Variants in HSPA12A observed in about 807,000 individuals in gnomAD.
HSPA12A encodes heat shock protein family A (Hsp70) member 12A, also known as heat shock 70 kDa protein 12A.
In HSPA12A, 28 loss-of-function variants were observed where a neutral mutation model predicts 69.2. That is an observed-to-expected ratio of 0.40 (90% confidence interval 0.30 to 0.55). The LOEUF (loss-of-function observed/expected upper bound fraction) is 0.55. HSPA12A is among the 20% of genes least tolerant of loss of function. The probability of loss-of-function intolerance (pLI) is 0.38; values close to 1 mark genes in which losing one functional copy is unlikely to be tolerated. For missense variants in HSPA12A, 686 were observed against 900.7 expected (o/e 0.76, Z 3.05); for synonymous variants, 345 against 370.5 (o/e 0.93, Z 0.79).
At chr10:116,848,339 G>T (rs1295212934) in intron 1 of HSPA12A, among the ~76,000 whole-genome samples, 1 of 152,240 alleles carries the variant, frequency 6.6e-6, no homozygotes, top group African/African-American at 2.4e-5. Flanking sequence ...CTGGGTTTGT[G>T]TAACAGTACT....
chr10:116,797,037 A>G (rs1358191226), intron 2 of HSPA12A, among the ~76,000 whole-genome samples: 1 of 152,148 alleles, frequency 6.6e-6, no homozygotes, highest in Non-Finnish European at 1.5e-5. Flanking sequence ...GAAATCCCAC[A>G]GAAGTGAACC....
At chr10:116,717,943 A>T (rs1850658457) in intron 1 of HSPA12A, among the ~76,000 whole-genome samples, 1 of 152,132 alleles carries the variant, frequency 6.6e-6, no homozygotes. Flanking sequence ...TTGCCCCCCA[A>T]GCTGTCTGCT....
At chr10:116,774,739 T>C (rs1292380999) in intron 2 of HSPA12A, among the ~76,000 whole-genome samples, 2 of 152,140 alleles carry the variant, frequency 1.3e-5, no homozygotes, top group Non-Finnish European at 2.9e-5. Context: ...AGGTCCACCA[T>C]TGAATAAGCT....
chr10:116,849,478 G>A, intron 1 of HSPA12A: 1 of 1,419,468 alleles, frequency 7.0e-7, no homozygotes, highest in South Asian at 1.6e-5. Context: ...CGAGATCTGG[G>A]GGTCGGGATC....
intron 2 of HSPA12A, among the ~76,000 whole-genome samples, chr10:116,795,528 A>AT (rs1428731418): frequency 6.6e-6 from 1 of 150,546 alleles, no homozygotes; most frequent in Admixed American, 6.6e-5. Context: ...AAAAAAAAAA[A>AT]TACAAAAATT....
At chr10:116,724,899 C>T (rs1342072595) in intron 1 of HSPA12A, among the ~76,000 whole-genome samples, 1 of 152,154 alleles carries the variant, frequency 6.6e-6, no homozygotes, top group Non-Finnish European at 1.5e-5. Context: ...TCCCAGTGAC[C>T]ACCTGGCCCC....
chr10:116,707,956 G>A (rs73377085), intron 1 of HSPA12A: 2,407 of 153,598 alleles, frequency 0.016, 53 homozygotes, highest in African/African-American at 0.055. Context: ...CCTGCAGATG[G>A]GACCCAACAG....
chr10:116,697,560 T>C (rs1849947818), intron 5 of HSPA12A, among the ~76,000 whole-genome samples: 1 of 152,162 alleles, frequency 6.6e-6, no homozygotes, highest in South Asian at 2.1e-4. Flanking sequence ...TTCTATCAAA[T>C]GGCCTATGAG....
At chr10:116,784,159 C>T (rs1242345180) in intron 2 of HSPA12A, among the ~76,000 whole-genome samples, 2 of 152,260 alleles carry the variant, frequency 1.3e-5, no homozygotes, top group Non-Finnish European at 2.9e-5. Flanking sequence ...ATGTGCTTGC[C>T]AATCCCATTT....
intron 1 of HSPA12A, among the ~76,000 whole-genome samples, chr10:116,715,877 G>T (rs950608075): frequency 5.3e-5 from 8 of 152,190 alleles, no homozygotes; most frequent in African/African-American, 1.9e-4. Flanking sequence ...TTTGGACCTG[G>T]GTCTCAGGGT....
In HSPA12A at chr10:116,707,151, GCGCACACACA is replaced by G. The variant is rs782215356; in HGVS notation, c.126+39_126+48del. The stretch of plus-strand genomic sequence containing the variant: ...CACGTGTGCTCATGCGCACCCATGC[GCGCACACACA>G]CACACACACACACACACACACACAC... On this transcript the variant is annotated intron_variant, in intron 2 of 11. Coordinates refer to ENST00000369209, the MANE Select transcript of HSPA12A (RefSeq NM_025015.3). 5.4e-3 allele frequency: 5,507 copies of G among 1,015,792 alleles called. 71 individuals carry two copies. The highest frequency in any genetic ancestry group is 5.6e-3 in the Non-Finnish European group (4,258 of 756,250). 62.9% of individuals were successfully genotyped at this position (1,015,792 alleles called of 1,614,324 possible). A position where few individuals can be genotyped will look rare whatever the true frequency, so the allele number is the denominator to read the frequency against.
intron 1 of HSPA12A, among the ~76,000 whole-genome samples, chr10:116,741,566 G>A (rs115315828): frequency 3.9e-5 from 6 of 152,332 alleles, no homozygotes; most frequent in Admixed American, 1.3e-4. Flanking sequence ...CCCACAGGAA[G>A]ACTGGAATCC....
intron 2 of HSPA12A, among the ~76,000 whole-genome samples, chr10:116,803,974 C>G (rs954745153): frequency 5.3e-5 from 8 of 152,120 alleles, no homozygotes; most frequent in Non-Finnish European, 1.2e-4. Context: ...ATTCAAACTC[C>G]TAAGTACACG....
chr10:116,673,217 A>T lies in HSPA12A; in HGVS notation c.*1564T>A, dbSNP rs1234877508. 1 of 151,752 alleles carries T rather than the reference A, an allele frequency of 6.6e-6. No homozygotes were observed. The highest frequency in any genetic ancestry group is 1.9e-4 in the East Asian group (1 of 5,142). The allele number at this position is 151,752 out of a possible 1,614,324, so 9.4% of individuals were successfully genotyped here. A position where few individuals can be genotyped will look rare whatever the true frequency, so the allele number is the denominator to read the frequency against. Reference sequence around the variant, plus strand: ...ATGTTGCAGAAAACTGGTTTTGTACACTGGGGAAGGAGAGAGTGAAGACCC... The same window carrying T: ...ATGTTGCAGAAAACTGGTTTTGTACTCTGGGGAAGGAGAGAGTGAAGACCC... On this transcript the variant is annotated 3_prime_UTR_variant, in exon 12 of 12. Coordinates refer to ENST00000369209, the MANE Select transcript of HSPA12A (RefSeq NM_025015.3).
intron 2 of HSPA12A, among the ~76,000 whole-genome samples, chr10:116,825,044 C>T (rs992713431): frequency 4.2e-5 from 6 of 143,990 alleles, no homozygotes; most frequent in African/African-American, 1.5e-4. Context: ...AAAAATTAAC[C>T]GGGTGTGGTG....
chr10:116,830,360 CT>C (rs1343521161), intron 2 of HSPA12A: 1 of 152,200 alleles, frequency 6.6e-6, no homozygotes, highest in Non-Finnish European at 1.5e-5. Flanking sequence ...CTTTCTCCGC[CT>C]GCCTCTCTTG....
chr10:116,799,784 G>C (rs1484666903), intron 2 of HSPA12A, among the ~76,000 whole-genome samples: 2 of 152,198 alleles, frequency 1.3e-5, no homozygotes, highest in Non-Finnish European at 2.9e-5. Context: ...TTCACACCAG[G>C]TAGGTGCTCA....
intron 4 of HSPA12A, among the ~76,000 whole-genome samples, chr10:116,700,387 T>G (rs1554881456): frequency 6.6e-6 from 1 of 152,204 alleles, no homozygotes; most frequent in East Asian, 1.9e-4. Flanking sequence ...ACTGGCTTGC[T>G]GGGAGCTGAG....
intron 2 of HSPA12A, among the ~76,000 whole-genome samples, chr10:116,776,346 C>G (rs1554891150): frequency 6.6e-6 from 1 of 152,222 alleles, no homozygotes; most frequent in Admixed American, 6.5e-5. Flanking sequence ...ACAAACCTCT[C>G]CCAGGCAAAG....
Sources: gnomAD v4.1 joint callset for allele counts (sites outside exome capture counted in the v4.1 genomes callset) on GRCh38, gnomAD v4.1.1 for gene constraint, MANE v1.5 for transcripts, NCBI Gene and HGNC (gene_info 2026-07-23, HGNC 2026-07-21) for gene names.